The following DDX60L variants were observed in gnomAD, a reference collection of about 807,000 sequenced individuals.
The protein encoded by DDX60L is probable ATP-dependent RNA helicase DDX60-like.
A neutral mutation model predicts 211.6 loss-of-function variants in DDX60L; 191 were observed. That is an observed-to-expected ratio of 0.90 (90% confidence interval 0.80 to 1.02). DDX60L has a LOEUF of 1.02. Ranked by LOEUF, DDX60L falls within the 50% of genes least tolerant of loss-of-function variation. The pLI, the probability that DDX60L is intolerant of heterozygous loss-of-function variation, is 0.00. For missense variants in DDX60L, 2,007 were observed against 1,984.1 expected, an observed-to-expected ratio of 1.01 and a Z score of -0.22; for synonymous variants, 706 against 694.1, an observed-to-expected ratio of 1.02 and a Z score of -0.27.
At chr4:168,464,739 G>GA (rs1398165431) in intron 4 of DDX60L, among the ~76,000 whole-genome samples, 1 of 151,950 alleles carries the variant, frequency 6.6e-6, no homozygotes, top group Admixed American at 6.6e-5. Flanking sequence ...CTAACTATGT[G>GA]AAAAAATGCA....
intron 9 of DDX60L, among the ~76,000 whole-genome samples, chr4:168,447,533 T>C (rs893021355): frequency 2.6e-5 from 4 of 152,024 alleles, no homozygotes; most frequent in Non-Finnish European, 2.9e-5. Context: ...CATTACTGGG[T>C]ATATACCCAA....
chr4:168,399,436 C>T (rs928237048), intron 26 of DDX60L, among the ~76,000 whole-genome samples: 10 of 152,190 alleles, frequency 6.6e-5, no homozygotes, highest in Non-Finnish European at 7.3e-5. Flanking sequence ...AGCTGGTGCC[C>T]GTGACAGTGC....
At chr4:168,394,092 C>T (rs983118322) in intron 28 of DDX60L, among the ~76,000 whole-genome samples, 12 of 151,744 alleles carry the variant, frequency 7.9e-5, no homozygotes, top group South Asian at 2.1e-4. Context: ...CTACACGGGA[C>T]GGCTAAAGTA....
At chr4:168,418,731 T>C (rs1749985300) in intron 19 of DDX60L, among the ~76,000 whole-genome samples, 1 of 125,256 alleles carries the variant, frequency 8.0e-6, no homozygotes, top group South Asian at 2.5e-4. Context: ...AACATAGCTA[T>C]GTCCTTCCAG....
intron 8 of DDX60L, among the ~76,000 whole-genome samples, chr4:168,452,626 T>C (rs192712489): frequency 1.4e-4 from 21 of 152,228 alleles, no homozygotes; most frequent in African/African-American, 4.8e-4. Context: ...TAAAATAATA[T>C]GTAGCATATA....
chr4:168,386,892 AC>A (rs1413629296), intron 29 of DDX60L, among the ~76,000 whole-genome samples: 1 of 152,252 alleles, frequency 6.6e-6, no homozygotes, highest in Non-Finnish European at 1.5e-5. Context: ...ATAAGAATAT[AC>A]ATATTTTAGA....
At chr4:168,462,570 T>C (rs1757454503) in intron 4 of DDX60L, among the ~76,000 whole-genome samples, 1 of 152,084 alleles carries the variant, frequency 6.6e-6, no homozygotes. Flanking sequence ...CCCAGCAGTT[T>C]AGGAGGCCGA....
At chr4:168,375,250 TG>T in intron 34 of DDX60L, 126 bp downstream of exon 34, 1 of 920,300 alleles carries the variant, frequency 1.1e-6, no homozygotes, top group Non-Finnish European at 1.6e-6. Flanking sequence ...ATAAAACACT[TG>T]GGTTAGTACA....
intron 36 of DDX60L, among the ~76,000 whole-genome samples, chr4:168,364,947 A>G (rs904129614): frequency 7.2e-5 from 11 of 152,230 alleles, no homozygotes. Context: ...CAATAAGCAA[A>G]TTAAAAGGGA....
chr4:168,462,789 G>A lies in DDX60L; in HGVS notation c.265-749C>T, dbSNP rs1009780031. 2.7e-5 allele frequency among the ~76,000 whole-genome samples: 4 copies of A among 148,170 alleles called. No homozygotes were observed. The Middle Eastern group carries it at 0.014, about 511-fold the overall frequency. On this transcript the variant is annotated intron_variant, in intron 4 of 37. Transcript: ENST00000682922. ...GATCATGCCACTGCACGCCAGCCTG[G>A]GTGACAGAGAGACTGTGTCTCAAAA...
chr4:168,419,326 C>A lies in DDX60L; in HGVS notation c.2586G>T (p.Arg862Ser). Reference sequence around the variant, plus strand: ...CCTCATCAAATATAACATATCTGATCCTTTCCACCCATTTTTGGCGATGAG... The same window carrying A: ...CCTCATCAAATATAACATATCTGATACTTTCCACCCATTTTTGGCGATGAG... The part of the protein sequence containing the change: ...LAPHRQKWVE[R>S]IRYVIFDEVH... The change falls in exon 19 of 38, where the codon AGG becomes AGT. Residue 862 changes from arginine to serine, a missense_variant. Physicochemically the swap from Arg to Ser is moderately radical, Grantham distance 110. Coordinates refer to ENST00000682922, the MANE Select transcript of DDX60L (RefSeq NM_001012967.3). 6.3e-7 allele frequency: 1 copy of A among 1,598,596 alleles called. No homozygotes were observed. The highest frequency in any genetic ancestry group is 8.5e-7 in the Non-Finnish European group (1 of 1,171,360).
At chr4:168,412,461 C>T (rs1052872056) in intron 22 of DDX60L, among the ~76,000 whole-genome samples, 4 of 152,022 alleles carry the variant, frequency 2.6e-5, no homozygotes, top group South Asian at 2.1e-4. Flanking sequence ...AAAAACTCAC[C>T]ATGGGCCAGG....
chr4:168,414,845 G>A (rs1749270425), intron 22 of DDX60L, among the ~76,000 whole-genome samples: 1 of 151,304 alleles, frequency 6.6e-6, no homozygotes. Flanking sequence ...GTAGAGTGAT[G>A]GTTACCAGAG....
chr4:168,406,176 A>C, intron 23 of DDX60L, 98 bp from the exon 24 acceptor site: 1 of 1,266,938 alleles, frequency 7.9e-7, no homozygotes, highest in Non-Finnish European at 1.1e-6. Context: ...CCTTAACAAA[A>C]TTGCAAACTC....
intron 10 of DDX60L, among the ~76,000 whole-genome samples, chr4:168,434,826 C>G (rs1351487768): frequency 1.3e-5 from 2 of 152,168 alleles, no homozygotes; most frequent in Non-Finnish European, 2.9e-5. Flanking sequence ...AGTCATAGCT[C>G]CTTAATCAGT....
At chr4:168,432,623 C>A in intron 11 of DDX60L, 53 bp from the exon 12 acceptor site, 2 of 1,061,492 alleles carry the variant, frequency 1.9e-6, no homozygotes, top group South Asian at 1.8e-5. Context: ...CAAATTTTAG[C>A]ACAAACTTCA....
chr4:168,373,935 T>C, intron 34 of DDX60L, 127 bp from the exon 35 acceptor site: 1 of 893,024 alleles, frequency 1.1e-6, no homozygotes, highest in Non-Finnish European at 1.7e-6. Context: ...CTGATTGAGA[T>C]ATGGTGCATA....
At chr4:168,451,707 C>T (rs1755829371) in intron 8 of DDX60L, among the ~76,000 whole-genome samples, 1 of 152,188 alleles carries the variant, frequency 6.6e-6, no homozygotes, top group Non-Finnish European at 1.5e-5. Flanking sequence ...AATCACTTCT[C>T]ATTATTCTTA....
chr4:168,456,388 A>T (rs1298673899), intron 6 of DDX60L, among the ~76,000 whole-genome samples: 4 of 152,170 alleles, frequency 2.6e-5, no homozygotes, highest in Non-Finnish European at 4.4e-5. Flanking sequence ...ATTAAATAAT[A>T]AGAAATTAAG....
Sources: allele counts gnomAD v4.1 joint callset (sites outside exome capture counted in the v4.1 genomes callset), GRCh38; gene constraint gnomAD v4.1.1; transcripts MANE v1.5; gene names NCBI Gene and HGNC (gene_info 2026-07-23, HGNC 2026-07-21).